ZPBP: variants seen among roughly 807,000 people sequenced by gnomAD.
ZPBP encodes zona pellucida binding protein.
In ZPBP, 26 loss-of-function variants were observed where a neutral mutation model predicts 44.8. That is an observed-to-expected ratio of 0.58 (90% CI 0.43 to 0.81). The LOEUF (loss-of-function observed/expected upper bound fraction) is 0.81. Among genes scored for constraint, ZPBP ranks in the 30% least tolerant of loss-of-function variants. The pLI is 0.00. For synonymous variants in ZPBP, 174 were observed against 153.2 expected, an observed-to-expected ratio of 1.14 and a Z score of -1.00; for missense variants, 409 against 434.0, an observed-to-expected ratio of 0.94 and a Z score of 0.51.
At chr7:49,938,405 T>C (rs923882566) in intron 7 of ZPBP, among the ~76,000 whole-genome samples, 5 of 152,158 alleles carry the variant, frequency 3.3e-5, no homozygotes, top group Non-Finnish European at 7.4e-5. Context: ...CCTGACAGAA[T>C]AGAAAGAAAC....
At chr7:49,874,556 G>A (rs1452450571) in intron 2 of ZPBP, among the ~76,000 whole-genome samples, 2 of 152,058 alleles carry the variant, frequency 1.3e-5, no homozygotes, top group African/African-American at 4.8e-5. Context: ...ATATGTGTGT[G>A]TGTGTGTGTG....
intron 3 of ZPBP, among the ~76,000 whole-genome samples, chr7:50,078,193 C>T (rs1489529313): frequency 1.3e-5 from 2 of 151,434 alleles, no homozygotes; most frequent in African/African-American, 2.4e-5. Context: ...AAAATCAAAT[C>T]AATTGAACTC....
chr7:50,062,472 C>T (rs1424117707), intron 3 of ZPBP, among the ~76,000 whole-genome samples: 1 of 152,156 alleles, frequency 6.6e-6, no homozygotes, highest in Non-Finnish European at 1.5e-5. Context: ...GGTATAAAAA[C>T]AGACACATAG....
intron 7 of ZPBP, among the ~76,000 whole-genome samples, chr7:49,965,492 C>T (rs1311485519): frequency 1.3e-5 from 2 of 151,870 alleles, no homozygotes; most frequent in Non-Finnish European, 2.9e-5. Context: ...AATAGCAGAG[C>T]TACACCAAAA....
intron 7 of ZPBP, among the ~76,000 whole-genome samples, chr7:49,965,581 A>T (rs1192094639): frequency 6.6e-6 from 1 of 152,110 alleles, no homozygotes. Flanking sequence ...AATGAAGTCT[A>T]CTGGAAATGG....
chr7:49,870,768 T>C (rs1562743009), intron 2 of ZPBP, among the ~76,000 whole-genome samples: 1 of 152,318 alleles, frequency 6.6e-6, no homozygotes, highest in Admixed American at 6.5e-5. Flanking sequence ...TGCATGATAA[T>C]GCATGATTGG....
intron 5 of ZPBP, among the ~76,000 whole-genome samples, chr7:50,028,324 A>G (rs954960413): frequency 6.6e-6 from 1 of 152,034 alleles, no homozygotes; most frequent in Non-Finnish European, 1.5e-5. Context: ...ATATAAAAGT[A>G]GTACTTAACA....
intron 1 of ZPBP, among the ~76,000 whole-genome samples, chr7:49,930,856 A>G (rs1442441070): frequency 6.6e-6 from 1 of 152,250 alleles, no homozygotes; most frequent in East Asian, 1.9e-4. Context: ...GCTTAACCAT[A>G]TGATTTGGTT....
At chr7:49,974,923 G>A (rs1257420227) in intron 7 of ZPBP, among the ~76,000 whole-genome samples, 1 of 152,146 alleles carries the variant, frequency 6.6e-6, no homozygotes, top group African/African-American at 2.4e-5. Context: ...CCATGCCAAA[G>A]ACCCAGCACG....
At chr7:50,008,854 C>A (rs529589136) in intron 6 of ZPBP, among the ~76,000 whole-genome samples, 104 of 152,150 alleles carry the variant, frequency 6.8e-4, no homozygotes, top group Admixed American at 1.4e-3. Context: ...GATGTTTTAG[C>A]CACTGCAATA....
chr7:50,057,776 A>G (rs144894699), intron 4 of ZPBP, among the ~76,000 whole-genome samples: 2 of 152,322 alleles, frequency 1.3e-5, no homozygotes, highest in Middle Eastern at 3.4e-3. Flanking sequence ...ACATGTCAAC[A>G]TTCCCCTGAA....
At chr7:49,945,008 C>T (rs1795042566) in intron 7 of ZPBP, among the ~76,000 whole-genome samples, 1 of 152,088 alleles carries the variant, frequency 6.6e-6, no homozygotes, top group South Asian at 2.1e-4. Flanking sequence ...CCCTGTACTG[C>T]TTTTGCTGTA....
chr7:50,043,217 T>C (rs752001848), intron 4 of ZPBP, among the ~76,000 whole-genome samples: 1 of 152,202 alleles, frequency 6.6e-6, no homozygotes, highest in Admixed American at 6.5e-5. Context: ...CTATAATCTA[T>C]AGAAACAATG....
intron 2 of ZPBP, among the ~76,000 whole-genome samples, chr7:49,857,072 AT>A (rs1401447104): frequency 1.4e-5 from 2 of 142,588 alleles, no homozygotes; most frequent in African/African-American, 2.5e-5. Flanking sequence ...TTCTTAACAA[AT>A]TTTTAGGTGC....
intron 2 of ZPBP, among the ~76,000 whole-genome samples, chr7:50,086,403 T>C (rs920691373): frequency 6.6e-6 from 1 of 152,036 alleles, no homozygotes; most frequent in Non-Finnish European, 1.5e-5. Context: ...GATCATTAGG[T>C]TGAACTTACT....
intron 6 of ZPBP, among the ~76,000 whole-genome samples, chr7:49,984,536 G>A (rs1426281834): frequency 2.0e-5 from 3 of 152,156 alleles, no homozygotes; most frequent in Non-Finnish European, 4.4e-5. Flanking sequence ...TAGATAATCA[G>A]GCATTAAGAT....
chr7:49,981,645 A>C (rs1271660836), intron 7 of ZPBP, among the ~76,000 whole-genome samples: 1 of 90,780 alleles, frequency 1.1e-5, no homozygotes, highest in Non-Finnish European at 1.9e-5. Context: ...TATATTATAT[A>C]ATATCTTGAT....
At chr7:49,970,175 A>G (rs1796241100) in intron 7 of ZPBP, among the ~76,000 whole-genome samples, 1 of 152,126 alleles carries the variant, frequency 6.6e-6, no homozygotes, top group Non-Finnish European at 1.5e-5. Context: ...TAATAAACTA[A>G]GAAAGAAAAA....
Position 50,031,218 on chromosome 7 carries a change from G to A in ZPBP, c.580C>T (p.Leu194Phe). The A allele has an allele frequency of 1.2e-6, 2 of 1,613,346 alleles. No individual in the cohort carries two copies. Among genetic ancestry groups the A allele is most frequent in the Non-Finnish European group, 1.7e-6 (2 of 1,179,774 alleles). ...AGCAGTTTGCTTAAAATCTGAAGAAGTTTCTTCTCAAAAGAAATATTATAA... is the reference window on the plus strand; with the variant it reads ...AGCAGTTTGCTTAAAATCTGAAGAAATTTCTTCTCAAAAGAAATATTATAA... ...SIYNISFEKK[L>F]LQILSKLLLD... The change falls in exon 5 of 8, where the codon CTT becomes TTT. Residue 194 changes from leucine (L) to phenylalanine (F), a missense_variant. Physicochemically the swap from Leu to Phe is conservative, Grantham distance 22 (BLOSUM62 0). Transcript: ENST00000046087.
Sources: allele counts gnomAD v4.1 joint callset (sites outside exome capture counted in the v4.1 genomes callset), GRCh38; gene constraint gnomAD v4.1.1; transcripts MANE v1.5; gene names NCBI Gene and HGNC (gene_info 2026-07-23, HGNC 2026-07-21).